Variants in COL1A1 observed in about 807,000 individuals in gnomAD.
The protein encoded by COL1A1 is collagen alpha-1(I) chain.
COL1A1 carries 21 observed loss-of-function variants against 195.7 expected under a neutral mutation model. That is an observed-to-expected ratio of 0.11 (90% CI 0.08 to 0.15). COL1A1 has a LOEUF of 0.15. Ranked by LOEUF, COL1A1 falls within the 10% of genes least tolerant of loss-of-function variation. The pLI, the probability that COL1A1 is intolerant of heterozygous loss-of-function variation, is 1.00. For synonymous variants in COL1A1, 749 were observed against 747.3 expected (o/e 1.00, Z -0.04); for missense variants, 1,365 against 2,051.0 (o/e 0.67, Z 6.46).
At position 50,187,017 on chromosome 17, in the gene COL1A1, C is replaced by T. The variant is rs41316719; in HGVS notation, c.3529G>A (p.Val1177Ile). 2.5e-6 allele frequency: 4 copies of T among 1,613,348 alleles called. No individual in the cohort carries two copies. Among genetic ancestry groups the T allele is most frequent in the East Asian group, 4.5e-5 (2 of 44,860 alleles). The change falls in exon 47 of 51, where the codon GTT (valine) becomes ATT (isoleucine). Residue 1177 changes from valine to isoleucine, a missense_variant and splice_region_variant. Transcript: ENST00000225964. Reference sequence around the variant, plus strand: ...AGAGGGGATGAGGGGCTACATACAACAGGACCAGCATCACCAGTGCGACCG... The same window carrying T: ...AGAGGGGATGAGGGGCTACATACAATAGGACCAGCATCACCAGTGCGACCG... ...PRGRTGDAGP[V>I]GPPGPPGPPG...
rs1260359149 is a variant in COL1A1 at position 50,194,653 on chromosome 17, C to T, written c.1462-27G>A. On this transcript the variant is annotated intron_variant, in intron 21 of 50. Transcript: ENST00000225964. This position sits in a 1 kb window ranked among gnomAD's most constrained non-coding sequence, Gnocchi z 6.8. ...TGCAGGAGGAGAGGAGGCCAGTGAA[C>T]TCCGCGACACACAGGCACCAGCCAG... is the stretch of plus-strand genomic sequence containing the variant. 6.4e-7 allele frequency: 1 copy of T among 1,557,452 alleles called. No individual in the cohort carries two copies. The highest frequency in any genetic ancestry group is 1.4e-5 in the African/African-American group (1 of 73,252).
Position 50,195,789 on chromosome 17 carries a change from G to A in COL1A1, c.1057-124C>T. On this transcript the variant is annotated intron_variant, in intron 16 of 50. Coordinates refer to ENST00000225964, the MANE Select transcript of COL1A1 (RefSeq NM_000088.4). The surrounding 1 kb of genome is among the most constrained non-coding windows in gnomAD (Gnocchi z 4.3). ...TGATCAGGACTCTAAGATCAGAGAC[G>A]GAGAACCCAGGACAAAGGTGTTAGT... is the stretch of plus-strand genomic sequence containing the variant. 2.2e-6 allele frequency: 3 copies of A among 1,337,548 alleles called. No homozygotes were observed. The highest frequency in any genetic ancestry group is 2.5e-5 in the East Asian group (1 of 40,138). The allele number at this position is 1,337,548 out of a possible 1,614,324, so 82.9% of individuals were successfully genotyped here.
At chr17:50,198,351 C>G (rs1196127872) in intron 6 of COL1A1, 82 bp downstream of exon 6, 1 of 1,554,262 alleles carries the variant, frequency 6.4e-7, no homozygotes, top group Admixed American at 1.7e-5. Flanking sequence ...ACCTCCCAAG[C>G]TGTCTATACC....
rs749776894 is a variant in COL1A1, at chr17:50,189,368, G to T, written c.2829+9C>A. ...CTCCGGAGCTGCAGAGATCTGAGCT[G>T]GCACTTACAGCAGGACCATCAGCAC... On this transcript the variant is annotated intron_variant, in intron 39 of 50. Coordinates refer to ENST00000225964, the MANE Select transcript of COL1A1 (RefSeq NM_000088.4). This position sits in a 1 kb window ranked among gnomAD's most constrained non-coding sequence, Gnocchi z 5.5. The T allele has an allele frequency of 1.9e-6, 3 of 1,613,564 alleles. No individual in the cohort carries two copies. The South Asian group carries it at 3.3e-5, about 18-fold the overall frequency.
At chr17:50,187,405 T>C in intron 46 of COL1A1, 79 bp downstream of exon 46, 1 of 1,450,846 alleles carries the variant, frequency 6.9e-7, no homozygotes, top group Non-Finnish European at 9.6e-7. Context: ...AGGCAAAGGG[T>C]GCCTGGGTCC....
At chr17:50,197,601 G>T in intron 9 of COL1A1, 131 bp downstream of exon 9, 1 of 764,680 alleles carries the variant, frequency 1.3e-6, no homozygotes, top group Non-Finnish European at 2.2e-6. Flanking sequence ...TTCCAGGGCA[G>T]TCCGTGCATC....
chr17:50,194,680 C>T lies in COL1A1; in HGVS notation c.1461+41G>A, dbSNP rs1171254501. 6.4e-7 allele frequency: 1 copy of T among 1,557,920 alleles called. No homozygotes were observed. The highest frequency in any genetic ancestry group is 8.7e-7 in the Non-Finnish European group (1 of 1,150,158). On this transcript the variant is annotated intron_variant, in intron 21 of 50. Coordinates refer to ENST00000225964, the MANE Select transcript of COL1A1 (RefSeq NM_000088.4). This position sits in a 1 kb window ranked among gnomAD's most constrained non-coding sequence, Gnocchi z 6.8. Reference sequence around the variant, plus strand: ...CCGCGACACACAGGCACCAGCCAGGCAATGAGGGTGGAGCGGGAGGGGGCG... The same window carrying T: ...CCGCGACACACAGGCACCAGCCAGGTAATGAGGGTGGAGCGGGAGGGGGCG...
Position 50,185,790 on chromosome 17 carries a change from G to T in COL1A1, c.4236C>A (p.Val1412=), listed in dbSNP as rs532172482. 3 of 1,613,666 alleles carry T rather than the reference G, an allele frequency of 1.9e-6. No homozygotes were observed. The Admixed American group carries it at 5.0e-5, about 27-fold the overall frequency. The change falls in exon 50 of 51, where the codon GTC becomes GTA. Residue 1412 remains valine, a synonymous_variant. Coordinates refer to ENST00000225964, the MANE Select transcript of COL1A1 (RefSeq NM_000088.4). ...GNSRFTYSVT[V]DGCTSHTGAW... is the part of the protein sequence containing the mutation. ...TCTGGGCACTCACCGTGCAGCCATC[G>T]ACAGTGACGCTGTAGGTGAAGCGGC...
Position 50,198,469 on chromosome 17 carries a change from CTCA to C in COL1A1, c.504_506del (p.Asp168del), listed in dbSNP as rs748176878. The C allele has an allele frequency of 6.2e-7, 1 of 1,613,508 alleles. No homozygotes were observed. Among genetic ancestry groups the C allele is most frequent in the Non-Finnish European group, 8.5e-7 (1 of 1,179,798 alleles). On this transcript the variant is annotated inframe_deletion, in exon 6 of 51. Transcript: ENST00000225964. ...GCACGGAAATTCCTCCGGTTGATTT[CTCA>C]TCATAGCCATAAGACAGCTGGGGAG...
rs972507105 is a variant in COL1A1, at chr17:50,191,879, C to G, written c.2036G>C (p.Arg679Thr). Reference sequence around the variant, plus strand: ...CACACCACGCTCGCCAGGGAAACCTCTCTCGCCCTAGAAGGGAAGGACAGG... The same window carrying G: ...CACACCACGCTCGCCAGGGAAACCTGTCTCGCCCTAGAAGGGAAGGACAGG... ...APGPSGARGE[R>T]GFPGERGVQG... is the part of the protein sequence containing the mutation. Residue 679 changes from arginine to threonine, a missense_variant, in exon 31 of 51, where the codon AGA (arginine) becomes ACA (threonine). Coordinates refer to ENST00000225964, the MANE Select transcript of COL1A1 (RefSeq NM_000088.4). 1.2e-6 allele frequency: 2 copies of G among 1,602,464 alleles called. No homozygotes were observed. Among genetic ancestry groups the G allele is most frequent in the Admixed American group, 3.4e-5 (2 of 58,382 alleles).
intron 9 of COL1A1, 34 bp from the exon 10 acceptor site, chr17:50,197,267 C>A: frequency 6.2e-7 from 1 of 1,608,632 alleles, no homozygotes; most frequent in Non-Finnish European, 8.5e-7. Flanking sequence ...CATGCCTCTG[C>A]CTCCCCACCA....
intron 11 of COL1A1, 100 bp downstream of exon 11, chr17:50,196,909 AC>A: frequency 7.3e-7 from 1 of 1,378,630 alleles, no homozygotes. Flanking sequence ...TGTAGCTGCC[AC>A]CCACCATGAT....
In COL1A1 at chr17:50,184,271, C is replaced by G. The variant is rs1906257222; in HGVS notation, c.*1231G>C. 4.3e-6 allele frequency: 1 copy of G among 231,232 alleles called. No homozygotes were observed. Among genetic ancestry groups the G allele is most frequent in the Admixed American group, 5.7e-5 (1 of 17,690 alleles). 14.3% of individuals were successfully genotyped at this position (231,232 alleles called of 1,614,324 possible). On this transcript the variant is annotated 3_prime_UTR_variant, in exon 51 of 51. Transcript: ENST00000225964. ...CTCTGAAACCCGGGGACAGAGGACG[C>G]AGGACAGACTAGGAGGGAGCCGGGA...
rs2696246 is a variant in COL1A1 at position 50,191,265 on chromosome 17, A to G, written c.2235+118T>C. On this transcript the variant is annotated intron_variant, in intron 32 of 50. Transcript: ENST00000225964. The stretch of plus-strand genomic sequence containing the variant: ...AAAGGCCAGAGGGGAAAGGGGAAGA[A>G]GGGAGGATTAGCGAGAAGAGGGACA... 995,596 of 995,776 alleles carry G rather than the reference A, an allele frequency of 1. 497,710 individuals are homozygous for G. The highest frequency in any genetic ancestry group is 1 in the Middle Eastern group (4,866 of 4,866). 61.7% of individuals were successfully genotyped at this position (995,776 alleles called of 1,614,324 possible).
At chr17:50,191,743 T>C (rs1156454237) in intron 31 of COL1A1, 45 bp downstream of exon 31, 1 of 1,544,284 alleles carries the variant, frequency 6.5e-7, no homozygotes, top group Middle Eastern at 1.8e-4. Flanking sequence ...GGGTGAGACC[T>C]GGTCCCTGGG....
In COL1A1 at chr17:50,187,508, T is replaced by C; in HGVS notation, c.3399A>G (p.Gly1133=). The stretch of plus-strand genomic sequence containing the variant: ...CTCGGGGACCAGCAGGACCAGAGGC[T>C]CCAGAGGGACCTTGTTCACCAGGAG... The part of the protein sequence containing the change: ...PGSPGEQGPS[G]ASGPAGPRGP... The change falls in exon 46 of 51, where the codon GGA becomes GGG. Residue 1133 remains glycine, a synonymous_variant. Coordinates refer to ENST00000225964, the MANE Select transcript of COL1A1 (RefSeq NM_000088.4). 1.9e-6 allele frequency: 3 copies of C among 1,613,838 alleles called. No individual in the cohort carries two copies. The highest frequency in any genetic ancestry group is 1.7e-6 in the Non-Finnish European group (2 of 1,179,906).
At chr17:50,198,338 T>C in intron 6 of COL1A1, 95 bp downstream of exon 6, 1 of 1,543,412 alleles carries the variant, frequency 6.5e-7, no homozygotes, top group South Asian at 1.1e-5. Flanking sequence ...AAAGGTGATC[T>C]GGACCTCCCA....
rs372514953 is a variant in COL1A1 at position 50,198,479 on chromosome 17, C to A, written c.497G>T (p.Gly166Val). The stretch of plus-strand genomic sequence containing the variant: ...TCCTCCGGTTGATTTCTCATCATAG[C>A]CATAAGACAGCTGGGGAGCAAAGTT... ...GGNFAPQLSY[G>V]YDEKSTGGIS... Residue 166 changes from glycine to valine, a missense_variant, in exon 6 of 51, where the codon GGC becomes GTC. This residue lies in a region of COL1A1 where 226 missense variants were observed against 372.9 expected (regional missense o/e 0.61). Coordinates refer to ENST00000225964, the MANE Select transcript of COL1A1 (RefSeq NM_000088.4). 56 of 1,613,266 alleles carry A rather than the reference C, an allele frequency of 3.5e-5. No individual in the cohort carries two copies. Among genetic ancestry groups the A allele is most frequent in the Non-Finnish European group, 4.5e-5 (53 of 1,179,770 alleles).
At chr17:50,196,053 T>C in intron 15 of COL1A1, 77 bp from the exon 16 acceptor site, 1 of 1,602,724 alleles carries the variant, frequency 6.2e-7, no homozygotes, top group Non-Finnish European at 8.5e-7. Flanking sequence ...GAGGAAGTCC[T>C]GGGGTTCAGA....
Sources: allele counts gnomAD v4.1 joint callset, GRCh38; gene constraint gnomAD v4.1.1; regional missense constraint gnomAD v4.1.1; non-coding constraint Gnocchi (gnomAD v3.1); transcripts MANE v1.5; gene names NCBI Gene and HGNC (gene_info 2026-07-23, HGNC 2026-07-21).